Variants in PACSIN2 observed in about 807,000 individuals in gnomAD.
PACSIN2 encodes the protein protein kinase C and casein kinase substrate in neurons 2, also known as protein kinase C and casein kinase substrate in neurons protein 2.
A neutral mutation model predicts 63.8 loss-of-function variants in PACSIN2; 25 were observed. The ratio of observed to expected loss-of-function variants is 0.39; its 90% confidence interval spans 0.29 to 0.55. The LOEUF (loss-of-function observed/expected upper bound fraction) is 0.55. Ranked by LOEUF, PACSIN2 falls within the 20% of genes least tolerant of loss-of-function variation. The pLI, the probability that PACSIN2 is intolerant of heterozygous loss-of-function variation, is 0.62. For synonymous variants in PACSIN2, 255 were observed against 256.2 expected, an observed-to-expected ratio of 1.00 and a Z score of 0.05; for missense variants, 518 against 646.9, an observed-to-expected ratio of 0.80 and a Z score of 2.16.
At chr22:42,946,576 T>C (rs1933432578) in intron 1 of PACSIN2, among the ~76,000 whole-genome samples, 2 of 152,210 alleles carry the variant, frequency 1.3e-5, no homozygotes, top group African/African-American at 4.8e-5. Context: ...AAGTGCTCAC[T>C]GATTTGCCAC....
rs200348918 is a variant in PACSIN2 at position 42,982,887 on chromosome 22, A to AAAAAAAAAAAAAAC, written c.-78+32133_-78+32134insGTTTTTTTTTTTTT. Among the ~76,000 whole-genome samples, 735 of 129,388 alleles carry AAAAAAAAAAAAAAC rather than the reference A, an allele frequency of 5.7e-3. 36 individuals are homozygous for AAAAAAAAAAAAAAC. Among genetic ancestry groups the AAAAAAAAAAAAAAC allele is most frequent in the Non-Finnish European group, 0.01 (605 of 58,642 alleles). 84.9% of individuals were successfully genotyped at this position (129,388 alleles called of 152,430 possible). On this transcript the variant is annotated intron_variant, in intron 1 of 10. Transcript: ENST00000263246. Reference sequence around the variant, plus strand: ...TGATCAATAAAAAAAAAAAAAAAAAAAAACAACAACAAGGCTAGGAGCAGT... The same window carrying AAAAAAAAAAAAAAC: ...TGATCAATAAAAAAAAAAAAAAAAAAAAAAAAAAAAAAACAAACAACAACAAGGCTAGGAGCAGT...
intron 4 of PACSIN2, 64 bp downstream of exon 4, chr22:42,890,883 G>A (rs571714299): frequency 8.7e-5 from 114 of 1,316,674 alleles, no homozygotes; most frequent in Non-Finnish European, 1.2e-4. Flanking sequence ...TGCAGGAGGT[G>A]GTGCTGCTAG....
At chr22:42,911,819 C>T (rs1447518748) in intron 2 of PACSIN2, among the ~76,000 whole-genome samples, 4 of 152,206 alleles carry the variant, frequency 2.6e-5, no homozygotes, top group Non-Finnish European at 5.9e-5. Flanking sequence ...TCACTGCCTT[C>T]GATGATGGCT....
chr22:42,882,385 G>A (rs1602176604), intron 6 of PACSIN2, 81 bp from the exon 7 acceptor site: 1 of 1,472,110 alleles, frequency 6.8e-7, no homozygotes, highest in Non-Finnish European at 9.2e-7. Context: ...GCCACAGCAG[G>A]TCCCGTGGTC....
At chr22:42,991,547 T>C (rs897732666) in intron 1 of PACSIN2, among the ~76,000 whole-genome samples, 3 of 152,228 alleles carry the variant, frequency 2.0e-5, no homozygotes, top group Non-Finnish European at 4.4e-5. Flanking sequence ...GGAGAGAGAC[T>C]GTGCGGGAAT....
intron 8 of PACSIN2, among the ~76,000 whole-genome samples, chr22:42,877,806 C>T (rs976956072): frequency 2.0e-5 from 3 of 152,184 alleles, no homozygotes; most frequent in African/African-American, 4.8e-5. Flanking sequence ...ATCCTAGGAC[C>T]GGGCTACCCT....
At chr22:43,006,532 C>A (rs946895951) in intron 1 of PACSIN2, among the ~76,000 whole-genome samples, 2 of 152,052 alleles carry the variant, frequency 1.3e-5, no homozygotes, top group Admixed American at 1.3e-4. Flanking sequence ...GAAAGAGAAA[C>A]AGCCAGGCAC....
intron 1 of PACSIN2, among the ~76,000 whole-genome samples, chr22:42,965,182 A>G (rs750771655): frequency 2.0e-5 from 3 of 152,230 alleles, no homozygotes. Flanking sequence ...GATGCAAAAT[A>G]GCACCCACTG....
At position 42,871,168 on chromosome 22, in the gene PACSIN2, C is replaced by T. The variant is rs1352747490; in HGVS notation, c.*189G>A. 1.6e-6 allele frequency: 1 copy of T among 613,672 alleles called. No homozygotes were observed. Among genetic ancestry groups the T allele is most frequent in the African/African-American group, 1.8e-5 (1 of 54,524 alleles). 38.0% of individuals were successfully genotyped at this position (613,672 alleles called of 1,614,324 possible). A position where few individuals can be genotyped will look rare whatever the true frequency, so the allele number is the denominator to read the frequency against. ...TCTGCGTCTTCCTGCGCTCAGATCC[C>T]TCCAGCTGCACTCGGAAAGGTGCCG... On this transcript the variant is annotated 3_prime_UTR_variant, in exon 11 of 11. Transcript: ENST00000263246. The surrounding 1 kb of genome is among the most constrained non-coding windows in gnomAD (Gnocchi z 5.4).
rs143037485 is a variant in PACSIN2 at position 42,934,900 on chromosome 22, T to TTTC, written c.-77-22744_-77-22743insGAA. On this transcript the variant is annotated intron_variant, in intron 1 of 10. Coordinates refer to ENST00000263246, the MANE Select transcript of PACSIN2 (RefSeq NM_001184970.3). ...TTTTCTTTCTTTTCTCTTTCTTTTC[T>TTTC]TTTCTTTCTTCCTTTTTCTTTTTCT... Among the ~76,000 whole-genome samples the TTTC allele has an allele frequency of 4.3e-3, 313 of 72,026 alleles. 1 individual carries two copies. Among genetic ancestry groups the TTTC allele is most frequent in the Non-Finnish European group, 0.011 (255 of 22,408 alleles). The allele number at this position is 72,026 out of a possible 152,430, so 47.3% of individuals were successfully genotyped here.
intron 1 of PACSIN2, among the ~76,000 whole-genome samples, chr22:42,949,112 G>A (rs939508871): frequency 1.3e-5 from 2 of 152,166 alleles, no homozygotes; most frequent in African/African-American, 4.8e-5. Flanking sequence ...GAGCAACAAG[G>A]TGGGATCCTG....
chr22:42,875,601 C>A, intron 10 of PACSIN2, among the ~76,000 whole-genome samples: 1 of 151,752 alleles, frequency 6.6e-6, no homozygotes, highest in Non-Finnish European at 1.5e-5. Context: ...AGTGGTGTGA[C>A]CTTGGCTCAC....
At chr22:42,914,664 G>A (rs1020819626) in intron 1 of PACSIN2, among the ~76,000 whole-genome samples, 4 of 152,206 alleles carry the variant, frequency 2.6e-5, no homozygotes, top group Admixed American at 2.0e-4. Context: ...TTGGGCTCAG[G>A]TGAGTCTCAA....
At chr22:42,962,786 G>T (rs937485980) in intron 1 of PACSIN2, among the ~76,000 whole-genome samples, 4 of 131,394 alleles carry the variant, frequency 3.0e-5, no homozygotes, top group Admixed American at 7.4e-5. Flanking sequence ...GGGGGGGGGG[G>T]GCGGCGCAGA....
chr22:42,935,931 C>T (rs1431457189), intron 1 of PACSIN2, among the ~76,000 whole-genome samples: 1 of 152,030 alleles, frequency 6.6e-6, no homozygotes, highest in Non-Finnish European at 1.5e-5. Flanking sequence ...TACAGAATTC[C>T]AGCAGGGCAC....
At chr22:42,879,338 C>A (rs527437011) in intron 7 of PACSIN2, among the ~76,000 whole-genome samples, 169 bp from the exon 8 acceptor site, 1 of 152,230 alleles carries the variant, frequency 6.6e-6, no homozygotes, top group African/African-American at 2.4e-5. Context: ...GCTCCCCATG[C>A]CCCACTTATG....
At chr22:42,975,455 CAAATATATATATAT>C (rs2146875498) in intron 1 of PACSIN2, among the ~76,000 whole-genome samples, 1 of 57,052 alleles carries the variant, frequency 1.8e-5, no homozygotes, top group South Asian at 5.6e-4. Context: ...AAAATATATA[CAAATATATATATAT>C]ATAGCATGCA....
intron 1 of PACSIN2, among the ~76,000 whole-genome samples, chr22:42,920,592 C>T (rs190446933): frequency 2.3e-3 from 349 of 152,214 alleles, no homozygotes; most frequent in African/African-American, 7.9e-3. Context: ...GAAGCTGTAA[C>T]AACGCAGAAA....
intron 1 of PACSIN2, among the ~76,000 whole-genome samples, chr22:43,014,809 A>C: frequency 6.9e-6 from 1 of 143,900 alleles, no homozygotes; most frequent in African/African-American, 2.6e-5. Context: ...CCTCCCCAAG[A>C]TGTCTTCTCC....
Sources: allele counts gnomAD v4.1 joint callset (sites outside exome capture counted in the v4.1 genomes callset), GRCh38; gene constraint gnomAD v4.1.1; non-coding constraint Gnocchi (gnomAD v3.1); transcripts MANE v1.5; gene names NCBI Gene and HGNC (gene_info 2026-07-23, HGNC 2026-07-21).